Variants in ARMC2 observed in about 807,000 individuals in gnomAD.
ARMC2 encodes armadillo repeat-containing protein 2.
A neutral mutation model predicts 90.3 loss-of-function variants in ARMC2; 67 were observed. The observed-to-expected ratio is 0.74, with a 90% CI of 0.61 to 0.91. The LOEUF (loss-of-function observed/expected upper bound fraction) is 0.91, where lower values mean the gene tolerates loss of function less well. Among genes scored for constraint, ARMC2 ranks in the 40% least tolerant of loss-of-function variants. The pLI, the probability that ARMC2 is intolerant of heterozygous loss-of-function variation, is 0.00. For missense variants in ARMC2, 920 were observed against 1,030.9 expected (o/e 0.89, Z 1.47); for synonymous variants, 393 against 393.0 (o/e 1.00, Z 0.00).
rs1164801548 is a variant in ARMC2, at chr6:108,907,697, A to AC, written c.1024-3197dup. On this transcript the variant is annotated intron_variant, in intron 8 of 17. Transcript: ENST00000392644. ...CACGTAGCATGCCAGCACCATGGTA[A>AC]CCCCCGAGATGCTCCCCTTCTTCAC... The AC allele has an allele frequency of 6.8e-6, 11 of 1,607,968 alleles. No homozygotes were observed. In the East Asian group the frequency reaches 2.0e-4, roughly 29 times the overall value.
At position 108,870,537 on chromosome 6, in the gene ARMC2, TAGGA is replaced by T. The variant is rs200237913; in HGVS notation, c.463+1557_463+1560del. Among the ~76,000 whole-genome samples the T allele has an allele frequency of 5.5e-3, 678 of 123,510 alleles. 3 individuals carry two copies. Among genetic ancestry groups the T allele is most frequent in the African/African-American group, 0.018 (584 of 31,764 alleles). 81.0% of individuals were successfully genotyped at this position (123,510 alleles called of 152,430 possible). On this transcript the variant is annotated intron_variant, in intron 4 of 17. Transcript: ENST00000392644. ...AGAGAGACAGAAAGAGAAAGGAAGG[TAGGA>T]AGGAAGGAAGGAAGAGAGGGAAGGA... is the stretch of plus-strand genomic sequence containing the variant.
chr6:108,916,479 G>A (rs1583104913), intron 10 of ARMC2, among the ~76,000 whole-genome samples: 1 of 152,346 alleles, frequency 6.6e-6, no homozygotes, highest in Admixed American at 6.5e-5. Flanking sequence ...AGCGTGAATA[G>A]CCCCAGGCTG....
chr6:108,904,646 TAAA>T (rs58943428), intron 8 of ARMC2, among the ~76,000 whole-genome samples: 312 of 144,076 alleles, frequency 2.2e-3, no homozygotes, highest in Admixed American at 2.4e-3. Context: ...GCAACTAAGT[TAAA>T]AAAAAAAAAA....
chr6:108,898,249 C>A (rs1295697926), intron 6 of ARMC2, among the ~76,000 whole-genome samples: 1 of 152,198 alleles, frequency 6.6e-6, no homozygotes, highest in East Asian at 1.9e-4. Flanking sequence ...GCTCCTCTGT[C>A]TGTCTCTGTC....
At chr6:108,986,556 T>G in the ARMC2 span, 4 of 152,670 alleles carry the variant, frequency 2.6e-5, no homozygotes, top group Admixed American at 2.6e-4. Flanking sequence ...CTGTTTGCAT[T>G]TCAAACAAAG....
At chr6:109,040,402 T>C in the ARMC2 span, among the ~76,000 whole-genome samples, 1 of 152,192 alleles carries the variant, frequency 6.6e-6, no homozygotes, top group African/African-American at 2.4e-5. Flanking sequence ...ATTTATTGTT[T>C]TGGACTTCTG....
In ARMC2 at chr6:108,910,954, G is replaced by GTTT. The variant is rs1182211172; in HGVS notation, c.1079_1080insTTT (p.Ser360_Arg361insPhe). 5 of 1,584,810 alleles carry GTTT rather than the reference G, an allele frequency of 3.2e-6. No homozygotes were observed. The African/African-American group carries it at 6.7e-5, about 21-fold the overall frequency. On this transcript the variant is annotated inframe_insertion, in exon 9 of 18. Transcript: ENST00000392644. ...GTCTGCAAACTTATATTTAAAATTA[G>GTTT]CAGGAATGAGAAGAATGATTCTTTG...
chr6:109,009,314 C>G, the ARMC2 span: 1 of 1,443,092 alleles, frequency 6.9e-7, no homozygotes, highest in South Asian at 1.3e-5. Context: ...CGGGTGCCCA[C>G]CCGCCCAGGT....
At chr6:108,977,353 T>C (rs924186746), downstream of ARMC2, among the ~76,000 whole-genome samples, 2 of 152,246 alleles carry the variant, frequency 1.3e-5, no homozygotes, top group African/African-American at 4.8e-5. Flanking sequence ...GAAGCCAACT[T>C]GATCATGGTG....
chr6:108,944,622 C>G (rs1776674905), intron 12 of ARMC2, among the ~76,000 whole-genome samples: 1 of 152,144 alleles, frequency 6.6e-6, no homozygotes, highest in Admixed American at 6.5e-5. Context: ...TAAAATAATT[C>G]CTGCAGATAT....
chr6:109,028,925 C>A, the ARMC2 span, among the ~76,000 whole-genome samples: 16,563 of 152,066 alleles, frequency 0.11, 1,030 homozygotes, highest in Middle Eastern at 0.19. Context: ...GACATGAGAG[C>A]GGGTATCTCT....
chr6:108,899,877 C>T, intron 7 of ARMC2, 85 bp downstream of exon 7: 1 of 1,000,354 alleles, frequency 1.0e-6, no homozygotes, highest in African/African-American at 1.7e-5. Context: ...CCCCATTGCC[C>T]TGATATTTTT....
At chr6:108,892,883 G>C (rs1771229984) in intron 5 of ARMC2, among the ~76,000 whole-genome samples, 3 of 152,188 alleles carry the variant, frequency 2.0e-5, no homozygotes, top group African/African-American at 7.2e-5. Flanking sequence ...ATAGTCACTG[G>C]GGGGCTCACT....
chr6:108,934,294 G>T (rs1023826150), intron 11 of ARMC2, among the ~76,000 whole-genome samples: 4 of 152,160 alleles, frequency 2.6e-5, no homozygotes, highest in Non-Finnish European at 4.4e-5. Flanking sequence ...ATATTTACCT[G>T]AATTGCTTTT....
chr6:108,950,136 G>A (rs1166452402), intron 12 of ARMC2, among the ~76,000 whole-genome samples: 1 of 152,184 alleles, frequency 6.6e-6, no homozygotes, highest in Non-Finnish European at 1.5e-5. Flanking sequence ...AACACAGGAT[G>A]CGGAGGTTGC....
intron 12 of ARMC2, 42 bp downstream of exon 12, chr6:108,937,041 C>CAAACACAT: frequency 6.8e-7 from 1 of 1,462,572 alleles, no homozygotes; most frequent in Non-Finnish European, 9.4e-7. Context: ...AGTCTTTACA[C>CAAACACAT]TAATGTGTTT....
At chr6:108,926,493 G>A (rs1775113780) in intron 10 of ARMC2, among the ~76,000 whole-genome samples, 1 of 152,254 alleles carries the variant, frequency 6.6e-6, no homozygotes, top group South Asian at 2.1e-4. Context: ...GGGAGGCTGA[G>A]GTGCTTGGAT....
chr6:109,044,165 A>G, the ARMC2 span, among the ~76,000 whole-genome samples: 2 of 151,740 alleles, frequency 1.3e-5, no homozygotes, highest in Non-Finnish European at 2.9e-5. Flanking sequence ...TAAAAAAAAA[A>G]TTATCCAGGC....
At chr6:109,031,362 G>A in the ARMC2 span, among the ~76,000 whole-genome samples, 1 of 152,168 alleles carries the variant, frequency 6.6e-6, no homozygotes, top group Non-Finnish European at 1.5e-5. Flanking sequence ...AATTAAATAT[G>A]TGCACTTCAG....
Sources: allele counts gnomAD v4.1 joint callset (sites outside exome capture counted in the v4.1 genomes callset), GRCh38; gene constraint gnomAD v4.1.1; transcripts MANE v1.5; gene names NCBI Gene and HGNC (gene_info 2026-07-23, HGNC 2026-07-21).